Variants in API5 observed in about 807,000 individuals in gnomAD.
API5 encodes apoptosis inhibitor 5.
A neutral mutation model predicts 71.9 loss-of-function variants in API5; 6 were observed. The observed-to-expected ratio is 0.08, with a 90% CI of 0.05 to 0.16. The LOEUF (loss-of-function observed/expected upper bound fraction) is 0.16. Ranked by LOEUF, API5 falls within the 10% of genes least tolerant of loss-of-function variation. API5 has a pLI of 1.00. For missense variants in API5, 332 were observed against 612.8 expected, an observed-to-expected ratio of 0.54 and a Z score of 4.84; for synonymous variants, 189 against 221.3, an observed-to-expected ratio of 0.85 and a Z score of 1.30.
At chr11:43,335,655 T>A (rs1164380419) in intron 12 of API5, among the ~76,000 whole-genome samples, 1 of 152,200 alleles carries the variant, frequency 6.6e-6, no homozygotes, top group Non-Finnish European at 1.5e-5. Context: ...TCAGATTATT[T>A]TAAAGGCTTG....
chr11:43,312,243 C>G, intron 1 of API5, 47 bp downstream of exon 1: 4 of 1,585,888 alleles, frequency 2.5e-6, no homozygotes, highest in Non-Finnish European at 3.5e-6. Context: ...GCTCCGCGGC[C>G]TTTCGAAAGC....
At position 43,323,008 on chromosome 11, in the gene API5, C is replaced by T. The variant is rs79990714; in HGVS notation, c.544-422C>T. Reference sequence around the variant, plus strand: ...TACCATATTAATATGAATTAGGCTGCTTTTAAATATAGGATACAATCTGAT... The same window carrying T: ...TACCATATTAATATGAATTAGGCTGTTTTTAAATATAGGATACAATCTGAT... On this transcript the variant is annotated intron_variant, in intron 5 of 13. Transcript: ENST00000531273. 7.8e-3 allele frequency among the ~76,000 whole-genome samples: 1,181 copies of T among 152,164 alleles called. 15 individuals carry two copies. Among genetic ancestry groups the T allele is most frequent in the African/African-American group, 0.028 (1,143 of 41,496 alleles).
intron 4 of API5, 131 bp from the exon 5 acceptor site, chr11:43,321,854 A>G (rs1854903362): frequency 1.1e-6 from 1 of 881,086 alleles, no homozygotes; most frequent in Non-Finnish European, 1.7e-6. Flanking sequence ...ACTACTTTTA[A>G]CTAGTAATGA....
At chr11:43,313,336 A>G (rs1400020740) in intron 1 of API5, among the ~76,000 whole-genome samples, 7 of 152,148 alleles carry the variant, frequency 4.6e-5, no homozygotes, top group Non-Finnish European at 8.8e-5. Flanking sequence ...ACTGGAGTAC[A>G]TTGAACTTGA....
intron 3 of API5, 133 bp from the exon 4 acceptor site, chr11:43,321,278 T>G: frequency 1.3e-6 from 1 of 767,022 alleles, no homozygotes; most frequent in Non-Finnish European, 2.1e-6. Context: ...TTTTGGTACT[T>G]GAGGGAATGG....
At chr11:43,328,300 AC>A (rs745865427) in intron 8 of API5, among the ~76,000 whole-genome samples, 2 of 152,200 alleles carry the variant, frequency 1.3e-5, no homozygotes, top group Non-Finnish European at 2.9e-5. Context: ...ATATGGACTT[AC>A]GTTCAGAAAA....
chr11:43,331,940 T>C (rs1855272583), intron 11 of API5: 1 of 152,356 alleles, frequency 6.6e-6, no homozygotes, highest in East Asian at 1.9e-4. Flanking sequence ...TAAATTCATA[T>C]ATAAAAATGT....
intron 1 of API5, 141 bp from the exon 2 acceptor site, chr11:43,318,499 G>C: frequency 6.5e-7 from 1 of 1,539,642 alleles, no homozygotes; most frequent in South Asian, 1.2e-5. Context: ...GTCAGTTTGA[G>C]CAGTAAACCT....
intron 1 of API5, among the ~76,000 whole-genome samples, chr11:43,316,529 C>T (rs935636685): frequency 2.0e-5 from 3 of 152,050 alleles, no homozygotes; most frequent in African/African-American, 7.2e-5. Flanking sequence ...TTTTATGAAG[C>T]CTGCCTAGAA....
intron 10 of API5, 91 bp downstream of exon 10, chr11:43,330,149 A>T: frequency 2.0e-6 from 2 of 989,158 alleles, no homozygotes; most frequent in Admixed American, 4.4e-5. Flanking sequence ...CCCTTATCTC[A>T]CCTAATTTAA....
At chr11:43,313,263 C>G (rs1401044678) in intron 1 of API5, among the ~76,000 whole-genome samples, 2 of 152,156 alleles carry the variant, frequency 1.3e-5, no homozygotes, top group African/African-American at 4.8e-5. Flanking sequence ...CCCCGATACA[C>G]AGTTTCTCAG....
In API5 at chr11:43,335,768, T is replaced by C. The variant is rs1259456546; in HGVS notation, c.1356-90T>C. On this transcript the variant is annotated intron_variant, in intron 12 of 13. Transcript: ENST00000531273. The stretch of plus-strand genomic sequence containing the variant: ...ATGAGATTATCCTCTTTAGGATGTC[T>C]TTCCTAACTGATATGCTAAATTATA... 5 of 1,369,864 alleles carry C rather than the reference T, an allele frequency of 3.7e-6. No homozygotes were observed. The African/African-American group carries it at 7.4e-5, about 20-fold the overall frequency. The allele number at this position is 1,369,864 out of a possible 1,614,324, so 84.9% of individuals were successfully genotyped here. A position where few individuals can be genotyped will look rare whatever the true frequency, so the allele number is the denominator to read the frequency against.
intron 13 of API5, among the ~76,000 whole-genome samples, chr11:43,341,141 T>G (rs1265772371): frequency 6.6e-6 from 1 of 152,114 alleles, no homozygotes; most frequent in Non-Finnish European, 1.5e-5. Context: ...AAAGAAGACG[T>G]ACAAATGGCC....
intron 13 of API5, among the ~76,000 whole-genome samples, chr11:43,341,777 C>G (rs1284385267): frequency 6.6e-6 from 1 of 152,158 alleles, no homozygotes; most frequent in Non-Finnish European, 1.5e-5. Flanking sequence ...TTACCCTGAG[C>G]TGATAACTGT....
chr11:43,334,084 G>A (rs7931018), intron 11 of API5, among the ~76,000 whole-genome samples: 149,566 of 152,256 alleles, frequency 0.98, 73,516 homozygotes, highest in East Asian at 1. Context: ...ATATTACATA[G>A]TATCACAAGT....
At chr11:43,319,426 A>G (rs186595777) in intron 2 of API5, among the ~76,000 whole-genome samples, 1 of 152,198 alleles carries the variant, frequency 6.6e-6, no homozygotes, top group East Asian at 1.9e-4. Context: ...TATAAACCCT[A>G]TACTTTTTTT....
rs928384871 is a variant in API5, at chr11:43,344,507, A to G, written c.*1997A>G. Reference sequence around the variant, plus strand: ...TGTAAATGTCCCCTTATGCTTTTGAAATAAATTTCCTTTTGTAATTTTGTT... The same window carrying G: ...TGTAAATGTCCCCTTATGCTTTTGAGATAAATTTCCTTTTGTAATTTTGTT... On this transcript the variant is annotated 3_prime_UTR_variant, in exon 14 of 14. Transcript: ENST00000531273. 6.6e-6 allele frequency: 1 copy of G among 152,578 alleles called. No individual in the cohort carries two copies. Among genetic ancestry groups the G allele is most frequent in the Non-Finnish European group, 1.5e-5 (1 of 68,038 alleles). The allele number at this position is 152,578 out of a possible 1,614,324, so 9.5% of individuals were successfully genotyped here.
Position 43,335,862 on chromosome 11 carries a change from A to C in API5, c.1360A>C (p.Lys454Gln). ...KPVQKVEIGQ[K>Q]RASEDTTSGS... ...CTCTTCTTCCTATTGTTACAGGCAAAAGAGAGCCAGTGAAGATACAACTTC... is the reference window on the plus strand; with the variant it reads ...CTCTTCTTCCTATTGTTACAGGCAACAGAGAGCCAGTGAAGATACAACTTC... Residue 454 changes from lysine to glutamine, a missense_variant, in exon 13 of 14, where the codon AAG becomes CAG. Physicochemically the swap from Lys to Gln is moderately conservative, Grantham distance 53. This residue lies in a region of API5 where 168 missense variants were observed against 343.9 expected (regional missense o/e 0.49). Transcript: ENST00000531273. 6.2e-7 allele frequency: 1 copy of C among 1,606,624 alleles called. No individual in the cohort carries two copies. Among genetic ancestry groups the C allele is most frequent in the Non-Finnish European group, 8.5e-7 (1 of 1,178,116 alleles).
At chr11:43,318,376 A>G in intron 1 of API5, 3 of 1,426,318 alleles carry the variant, frequency 2.1e-6, no homozygotes, top group Non-Finnish European at 2.9e-6. Context: ...ATGAAGAAGT[A>G]TTGGCATATT....
Sources: allele counts gnomAD v4.1 joint callset (sites outside exome capture counted in the v4.1 genomes callset), GRCh38; gene constraint gnomAD v4.1.1; regional missense constraint gnomAD v4.1.1; transcripts MANE v1.5; gene names NCBI Gene and HGNC (gene_info 2026-07-23, HGNC 2026-07-21).